The following FGF12 variants were observed in gnomAD, a reference collection of about 807,000 sequenced individuals.
FGF12 encodes the protein fibroblast growth factor 12.
Under a neutral mutation model 23.6 loss-of-function variants are expected in FGF12, and 14 were observed. That is an observed-to-expected ratio of 0.59 (90% CI 0.39 to 0.93). The LOEUF (loss-of-function observed/expected upper bound fraction) is 0.93, where lower values mean the gene tolerates loss of function less well. Among genes scored for constraint, FGF12 ranks in the 40% least tolerant of loss-of-function variants. The pLI is 0.00. For missense variants in FGF12, 175 were observed against 217.8 expected (o/e 0.80, Z 1.24); for synonymous variants, 62 against 77.3 (o/e 0.80, Z 1.04).
chr3:192,549,350 A>C (rs1221820276), intron 2 of FGF12, among the ~76,000 whole-genome samples: 5 of 152,192 alleles, frequency 3.3e-5, no homozygotes, highest in Admixed American at 2.0e-4. Flanking sequence ...AAAGAAGAAG[A>C]AGCAATAATG....
chr3:192,424,556 T>C (rs1377865930), intron 2 of FGF12, among the ~76,000 whole-genome samples: 1 of 152,124 alleles, frequency 6.6e-6, no homozygotes, highest in Non-Finnish European at 1.5e-5. Context: ...GCTTCAAGGA[T>C]TCAATTAAAC....
At chr3:192,630,874 A>G (rs1311415670) in intron 2 of FGF12, among the ~76,000 whole-genome samples, 1 of 151,200 alleles carries the variant, frequency 6.6e-6, no homozygotes. Context: ...TTTTTTTCTT[A>G]GAAAAACTAT....
intron 2 of FGF12, among the ~76,000 whole-genome samples, chr3:192,694,445 A>G (rs1718043873): frequency 6.6e-6 from 1 of 152,150 alleles, no homozygotes; most frequent in South Asian, 2.1e-4. Flanking sequence ...CTGCATTCCC[A>G]TGTTCACTTC....
intron 2 of FGF12, among the ~76,000 whole-genome samples, chr3:192,432,660 A>G (rs938351954): frequency 4.8e-4 from 72 of 151,334 alleles, no homozygotes; most frequent in Non-Finnish European, 8.0e-4. Context: ...AGAAAGAAAG[A>G]AAAGAAAAGA....
At chr3:192,443,195 C>T (rs1560112774) in intron 2 of FGF12, among the ~76,000 whole-genome samples, 1 of 152,108 alleles carries the variant, frequency 6.6e-6, no homozygotes, top group Non-Finnish European at 1.5e-5. Context: ...TGATACAACA[C>T]AGAGAAATTC....
intron 2 of FGF12, among the ~76,000 whole-genome samples, chr3:192,463,995 A>T (rs931098741): frequency 6.6e-6 from 1 of 152,084 alleles, no homozygotes; most frequent in Non-Finnish European, 1.5e-5. Context: ...TCCTACTCTT[A>T]GATCAGTGGT....
At chr3:192,608,229 T>C (rs902394439) in intron 2 of FGF12, among the ~76,000 whole-genome samples, 2 of 152,086 alleles carry the variant, frequency 1.3e-5, no homozygotes, top group Non-Finnish European at 2.9e-5. Context: ...GGATCTAGCT[T>C]TTGACAGCAC....
chr3:192,588,884 T>C (rs1330210980), intron 2 of FGF12, among the ~76,000 whole-genome samples: 1 of 151,914 alleles, frequency 6.6e-6, no homozygotes, highest in Non-Finnish European at 1.5e-5. Context: ...GAATGAAACA[T>C]ATTATCATCT....
intron 2 of FGF12, among the ~76,000 whole-genome samples, chr3:192,440,659 A>C (rs1722177039): frequency 1.3e-5 from 2 of 152,196 alleles, no homozygotes; most frequent in Non-Finnish European, 2.9e-5. Flanking sequence ...CTTGTTTTGC[A>C]GATGGTAAGA....
intron 2 of FGF12, among the ~76,000 whole-genome samples, chr3:192,676,501 A>G (rs908331674): frequency 3.9e-5 from 6 of 152,330 alleles, no homozygotes; most frequent in East Asian, 1.9e-4. Context: ...TTTCCATGTA[A>G]TAATGTACGC....
chr3:192,493,864 G>A (rs1228837845), intron 2 of FGF12, among the ~76,000 whole-genome samples: 2 of 152,056 alleles, frequency 1.3e-5, no homozygotes, highest in Non-Finnish European at 2.9e-5. Context: ...TCCAGCACTG[G>A]GAATTACATT....
intron 4 of FGF12, among the ~76,000 whole-genome samples, chr3:192,244,043 ATTT>A (rs1166844129): frequency 6.6e-6 from 1 of 152,142 alleles, no homozygotes; most frequent in Non-Finnish European, 1.5e-5. Context: ...TATCCATCAT[ATTT>A]TTTAAAATTA....
intron 2 of FGF12, among the ~76,000 whole-genome samples, chr3:192,682,081 C>A (rs984203935): frequency 2.0e-5 from 3 of 152,152 alleles, no homozygotes; most frequent in African/African-American, 7.2e-5. Flanking sequence ...AGAATCTGGG[C>A]TCTTGATTTC....
At chr3:192,626,795 G>A (rs1239784013) in intron 2 of FGF12, among the ~76,000 whole-genome samples, 1 of 152,006 alleles carries the variant, frequency 6.6e-6, no homozygotes, top group African/African-American at 2.4e-5. Context: ...TTTGGTAGAG[G>A]TGGTGTCTCA....
At chr3:192,383,383 T>C (rs1178682710) in intron 2 of FGF12, among the ~76,000 whole-genome samples, 1 of 152,054 alleles carries the variant, frequency 6.6e-6, no homozygotes, top group Admixed American at 6.6e-5. Context: ...TGTGCTGGTG[T>C]GACAGTAAAT....
At chr3:192,350,950 T>C (rs1718192384) in intron 3 of FGF12, among the ~76,000 whole-genome samples, 1 of 152,118 alleles carries the variant, frequency 6.6e-6, no homozygotes, top group Admixed American at 6.6e-5. Flanking sequence ...CAAGAGTCCA[T>C]ACAAAGAGGA....
chr3:192,551,929 G>C (rs1046616287), intron 2 of FGF12, among the ~76,000 whole-genome samples: 2 of 152,000 alleles, frequency 1.3e-5, no homozygotes, highest in African/African-American at 4.8e-5. Context: ...AGGAGATAAA[G>C]ACCTTAAAAG....
chr3:192,343,530 TTC>T (rs1717799116), intron 3 of FGF12, among the ~76,000 whole-genome samples: 1 of 152,176 alleles, frequency 6.6e-6, no homozygotes, highest in Non-Finnish European at 1.5e-5. Flanking sequence ...TAATATTTAC[TTC>T]TGTTATTTAT....
intron 2 of FGF12, among the ~76,000 whole-genome samples, chr3:192,410,833 TGAC>T (rs1438533487): frequency 1.3e-5 from 2 of 152,158 alleles, no homozygotes; most frequent in African/African-American, 4.8e-5. Context: ...GACGTGAATG[TGAC>T]GACATCTGAT....
Sources: gnomAD v4.1 joint callset for allele counts (sites outside exome capture counted in the v4.1 genomes callset) on GRCh38, gnomAD v4.1.1 for gene constraint, MANE v1.5 for transcripts, NCBI Gene and HGNC (gene_info 2026-07-23, HGNC 2026-07-21) for gene names.